Variants in SPECC1 observed in about 807,000 individuals in gnomAD.
The protein encoded by SPECC1 is cytospin-B.
SPECC1 carries 62 observed loss-of-function variants against 104.1 expected under a neutral mutation model. That is an observed-to-expected ratio of 0.60 (90% CI 0.49 to 0.74). SPECC1 has a LOEUF of 0.74. SPECC1 is among the 30% of genes least tolerant of loss of function. The pLI is 0.00. For missense variants in SPECC1, 1,306 were observed against 1,310.5 expected (o/e 1.00, Z 0.05); for synonymous variants, 513 against 501.6 (o/e 1.02, Z -0.30).
rs150701826 is a variant in SPECC1 at position 20,166,533 on chromosome 17, A to G, written c.284-37800A>G. Among the ~76,000 whole-genome samples the G allele has an allele frequency of 6.8e-3, 1,033 of 152,330 alleles. 10 individuals are homozygous for G. Among genetic ancestry groups the G allele is most frequent in the African/African-American group, 0.024 (981 of 41,590 alleles). Reference sequence around the variant, plus strand: ...GATCATTTAGAAAAATAATTATGAAATACTAATAAAGTTACAAATAATAAG... The same window carrying G: ...GATCATTTAGAAAAATAATTATGAAGTACTAATAAAGTTACAAATAATAAG... On this transcript the variant is annotated intron_variant, in intron 3 of 14. Coordinates refer to ENST00000395527, the MANE Select transcript of SPECC1 (RefSeq NM_001243439.2).
intron 7 of SPECC1, chr17:20,236,756 C>T (rs745453695): frequency 6.3e-5 from 93 of 1,470,122 alleles, no homozygotes; most frequent in Non-Finnish European, 8.5e-5. Context: ...TTAGCTTTTC[C>T]CTGTGGGACA....
intron 13 of SPECC1, among the ~76,000 whole-genome samples, chr17:20,304,574 TC>T (rs1358878947): frequency 6.6e-6 from 1 of 152,050 alleles, no homozygotes; most frequent in Non-Finnish European, 1.5e-5. Context: ...AGCCTCAGAT[TC>T]CCTGTCCAGC....
chr17:20,217,932 C>T (rs183512044), intron 4 of SPECC1, among the ~76,000 whole-genome samples: 91 of 151,938 alleles, frequency 6.0e-4, no homozygotes, highest in African/African-American at 2.2e-3. Flanking sequence ...TGAGGGAGGC[C>T]GAAGTGGGGA....
intron 3 of SPECC1, among the ~76,000 whole-genome samples, chr17:20,118,853 C>G (rs769007181): frequency 9.2e-5 from 14 of 152,166 alleles, no homozygotes; most frequent in Non-Finnish European, 1.6e-4. Context: ...CCTTCCTCTT[C>G]TACTTGCCTT....
chr17:20,072,534 C>CTGGAT (rs1202223306), intron 1 of SPECC1, among the ~76,000 whole-genome samples: 1 of 152,236 alleles, frequency 6.6e-6, no homozygotes, highest in Non-Finnish European at 1.5e-5. Flanking sequence ...CAAGGCAAAG[C>CTGGAT]TGGATGGCCA....
intron 7 of SPECC1, chr17:20,237,405 C>T: frequency 1.9e-6 from 1 of 513,272 alleles, no homozygotes; most frequent in Non-Finnish European, 2.6e-6. Context: ...ACCTCTGCCT[C>T]CCGGGTTCAA....
chr17:20,033,138 A>AT (rs1344077513), intron 1 of SPECC1, among the ~76,000 whole-genome samples: 5 of 151,652 alleles, frequency 3.3e-5, no homozygotes, highest in Admixed American at 3.3e-4. Flanking sequence ...TAATTTTTGT[A>AT]TTTTTAGTAG....
intron 3 of SPECC1, among the ~76,000 whole-genome samples, chr17:20,169,158 C>T (rs1282259657): frequency 1.3e-5 from 2 of 152,224 alleles, no homozygotes; most frequent in Non-Finnish European, 2.9e-5. Context: ...TAGGCGTGAG[C>T]CACTCTGGCC....
intron 3 of SPECC1, among the ~76,000 whole-genome samples, chr17:20,183,053 A>T (rs904463647): frequency 6.6e-6 from 1 of 152,254 alleles, no homozygotes; most frequent in African/African-American, 2.4e-5. Context: ...GTAAACAAAT[A>T]AAAGTAAATG....
intron 3 of SPECC1, among the ~76,000 whole-genome samples, chr17:20,189,501 T>C (rs752244258): frequency 2.6e-5 from 4 of 152,196 alleles, no homozygotes; most frequent in Non-Finnish European, 5.9e-5. Flanking sequence ...AGATGACTAA[T>C]GGCAGCTGGT....
intron 12 of SPECC1, among the ~76,000 whole-genome samples, chr17:20,270,475 C>A (rs1045221093): frequency 7.1e-6 from 1 of 141,532 alleles, no homozygotes; most frequent in Non-Finnish European, 1.5e-5. Context: ...AAACATTAGC[C>A]GGCTACGATG....
Position 20,306,099 on chromosome 17 carries a change from G to A in SPECC1, c.3117+17G>A. ...CCCAGCCTGGTACGTATCCTATTTT[G>A]TATCCTTGTGATACTTTAATTGTAT... is the stretch of plus-strand genomic sequence containing the variant. On this transcript the variant is annotated intron_variant, in intron 14 of 14. Coordinates refer to ENST00000395527, the MANE Select transcript of SPECC1 (RefSeq NM_001243439.2). 2 of 1,608,940 alleles carry A rather than the reference G, an allele frequency of 1.2e-6. No homozygotes were observed. Among genetic ancestry groups the A allele is most frequent in the African/African-American group, 1.3e-5 (1 of 74,922 alleles).
At chr17:20,237,987 C>A in intron 7 of SPECC1, 1 of 995,860 alleles carries the variant, frequency 1.0e-6, no homozygotes, top group Non-Finnish European at 1.2e-6. Context: ...AGTGATCTGG[C>A]CGCCTCAGCC....
At chr17:20,041,893 G>A (rs2045346486) in intron 1 of SPECC1, among the ~76,000 whole-genome samples, 1 of 152,056 alleles carries the variant, frequency 6.6e-6, no homozygotes, top group Non-Finnish European at 1.5e-5. Context: ...CCAAAGTGCT[G>A]GGGTTACAGG....
At chr17:20,138,023 C>T (rs1018101547) in intron 3 of SPECC1, among the ~76,000 whole-genome samples, 1 of 151,940 alleles carries the variant, frequency 6.6e-6, no homozygotes, top group Non-Finnish European at 1.5e-5. Flanking sequence ...GGCTGGAGTG[C>T]AGTGGTGCAA....
At chr17:20,084,445 AAAAT>A (rs1190739232) in intron 1 of SPECC1, among the ~76,000 whole-genome samples, 2 of 152,240 alleles carry the variant, frequency 1.3e-5, no homozygotes, top group Admixed American at 6.5e-5. Flanking sequence ...CAATAAATAA[AAAAT>A]AAAAGTAACA....
At chr17:20,122,085 A>G (rs1317701696) in intron 3 of SPECC1, among the ~76,000 whole-genome samples, 2 of 152,140 alleles carry the variant, frequency 1.3e-5, no homozygotes, top group Non-Finnish European at 2.9e-5. Context: ...CCAGGCAGAG[A>G]TGACGGCTGG....
intron 1 of SPECC1, among the ~76,000 whole-genome samples, chr17:20,085,930 C>A (rs1264228649): frequency 1.3e-5 from 2 of 152,242 alleles, no homozygotes; most frequent in Non-Finnish European, 2.9e-5. Context: ...TTTGTTCCTG[C>A]ATCCTCTGCA....
intron 2 of SPECC1, among the ~76,000 whole-genome samples, chr17:20,104,754 A>G (rs942199987): frequency 1.8e-3 from 268 of 150,758 alleles, no homozygotes; most frequent in Middle Eastern, 6.8e-3. Flanking sequence ...AAAAAAAAAA[A>G]AAAAAAAAAA....
Sources: gnomAD v4.1 joint callset for allele counts (sites outside exome capture counted in the v4.1 genomes callset) on GRCh38, gnomAD v4.1.1 for gene constraint, MANE v1.5 for transcripts, NCBI Gene and HGNC (gene_info 2026-07-23, HGNC 2026-07-21) for gene names.